The following ERG variants were observed in gnomAD, a reference collection of about 807,000 sequenced individuals.
ERG encodes ETS transcription factor ERG, also known as transcriptional regulator ERG.
Under a neutral mutation model 55.3 loss-of-function variants are expected in ERG, and 9 were observed. That is an observed-to-expected ratio of 0.16 (90% CI 0.10 to 0.28). ERG has a LOEUF of 0.28. Ranked by LOEUF, ERG falls within the 10% of genes least tolerant of loss-of-function variation. ERG has a pLI of 1.00. For synonymous variants in ERG, 223 were observed against 237.3 expected, an observed-to-expected ratio of 0.94 and a Z score of 0.55; for missense variants, 434 against 631.6, an observed-to-expected ratio of 0.69 and a Z score of 3.35.
intron 1 of ERG, among the ~76,000 whole-genome samples, chr21:38,477,002 C>CT (rs2059194332): frequency 7.8e-6 from 1 of 128,324 alleles, no homozygotes; most frequent in Admixed American, 8.7e-5. Context: ...TCTTTTCTTT[C>CT]TTTCCTTTTT....
At chr21:38,622,270 T>C (rs1331104258) in intron 1 of ERG, among the ~76,000 whole-genome samples, 1 of 152,098 alleles carries the variant, frequency 6.6e-6, no homozygotes, top group African/African-American at 2.4e-5. Context: ...GCCAAGTCAG[T>C]GGAGAGGACT....
intron 2 of ERG, among the ~76,000 whole-genome samples, chr21:38,436,203 G>A (rs2058788622): frequency 6.6e-6 from 1 of 151,500 alleles, no homozygotes; most frequent in Admixed American, 6.6e-5. Context: ...TAGAGATGGG[G>A]TTTCACCATG....
At chr21:38,424,189 T>G (rs770862454) in intron 2 of ERG, among the ~76,000 whole-genome samples, 5 of 83,448 alleles carry the variant, frequency 6.0e-5, no homozygotes, top group Non-Finnish European at 1.5e-4. Context: ...GAGCTCGAGC[T>G]CTCTCTCTCT....
chr21:38,599,535 A>T (rs553455678), intron 1 of ERG, among the ~76,000 whole-genome samples: 20 of 152,194 alleles, frequency 1.3e-4, no homozygotes, highest in African/African-American at 4.3e-4. Flanking sequence ...TCCTGCTCCA[A>T]CCCTGGAGAA....
At chr21:38,560,274 G>A (rs2059884819) in intron 2 of ERG, among the ~76,000 whole-genome samples, 1 of 152,178 alleles carries the variant, frequency 6.6e-6, no homozygotes, top group Non-Finnish European at 1.5e-5. Flanking sequence ...TGCTTCTACA[G>A]ATGCTATGGC....
chr21:38,494,038 C>T (rs555888260), intron 1 of ERG, among the ~76,000 whole-genome samples: 42 of 152,312 alleles, frequency 2.8e-4, no homozygotes, highest in African/African-American at 9.6e-4. Context: ...GACAGGGTAG[C>T]CATTATGATC....
intron 2 of ERG, among the ~76,000 whole-genome samples, chr21:38,552,030 G>C (rs1270770971): frequency 1.3e-5 from 2 of 152,096 alleles, no homozygotes; most frequent in African/African-American, 4.8e-5. Context: ...CTCCAGCATT[G>C]GGTGCATACA....
chr21:38,635,026 T>C (rs1359025792), intron 1 of ERG, among the ~76,000 whole-genome samples: 4 of 152,076 alleles, frequency 2.6e-5, no homozygotes, highest in Non-Finnish European at 5.9e-5. Flanking sequence ...TGAGTGCATA[T>C]TGCTAAGGGA....
chr21:38,454,719 C>A (rs1015344707), intron 1 of ERG, among the ~76,000 whole-genome samples: 1 of 152,148 alleles, frequency 6.6e-6, no homozygotes, highest in Admixed American at 6.5e-5. Context: ...TCAGAATTAT[C>A]CATTCTAGTC....
At chr21:38,484,625 C>A (rs1355035840) in intron 1 of ERG, among the ~76,000 whole-genome samples, 1 of 152,220 alleles carries the variant, frequency 6.6e-6, no homozygotes, top group African/African-American at 2.4e-5. Context: ...AGTTGTAACT[C>A]TCTTATGTTT....
chr21:38,412,819 T>A (rs970342651), intron 3 of ERG, among the ~76,000 whole-genome samples: 1 of 152,194 alleles, frequency 6.6e-6, no homozygotes, highest in Non-Finnish European at 1.5e-5. Flanking sequence ...CTTCAGCTAT[T>A]TTTTTGTAAT....
intron 2 of ERG, among the ~76,000 whole-genome samples, chr21:38,556,194 G>T (rs1246441643): frequency 6.6e-6 from 1 of 151,918 alleles, no homozygotes; most frequent in African/African-American, 2.4e-5. Context: ...TCAAAAAATT[G>T]AAAAAATAGC....
intron 3 of ERG, among the ~76,000 whole-genome samples, chr21:38,421,119 A>G (rs1989522069): frequency 6.6e-6 from 1 of 152,082 alleles, no homozygotes; most frequent in Admixed American, 6.5e-5. Context: ...TTGTGTTTCT[A>G]TTTTTCCCAT....
intron 2 of ERG, 31 bp from the exon 3 acceptor site, chr21:38,423,592 ACAG>A: frequency 6.3e-7 from 1 of 1,587,190 alleles, no homozygotes; most frequent in South Asian, 1.1e-5. Flanking sequence ...TTCCATTATA[ACAG>A]CAATCAAAGA....
chr21:38,403,430 T>A, intron 4 of ERG, 76 bp downstream of exon 4: 1 of 1,442,176 alleles, frequency 6.9e-7, no homozygotes, highest in Non-Finnish European at 9.7e-7. Flanking sequence ...TCGACACACC[T>A]GGTTGAACCC....
intron 1 of ERG, among the ~76,000 whole-genome samples, chr21:38,646,207 G>A (rs1053241734): frequency 1.3e-5 from 2 of 150,136 alleles, no homozygotes; most frequent in Non-Finnish European, 2.9e-5. Context: ...CTTGAACCCG[G>A]AAGATGGAGG....
chr21:38,535,424 T>C (rs1048608650), intron 2 of ERG, among the ~76,000 whole-genome samples: 1 of 152,178 alleles, frequency 6.6e-6, no homozygotes, highest in Non-Finnish European at 1.5e-5. Flanking sequence ...TTTTATGTGT[T>C]TGCCACAACC....
chr21:38,527,067 C>G (rs1002196082), intron 2 of ERG, among the ~76,000 whole-genome samples: 1 of 152,136 alleles, frequency 6.6e-6, no homozygotes, highest in South Asian at 2.1e-4. Context: ...TAATTTTCCA[C>G]GACGCATACT....
At chr21:38,610,142 A>T (rs2060217637) in intron 1 of ERG, among the ~76,000 whole-genome samples, 2 of 152,236 alleles carry the variant, frequency 1.3e-5, no homozygotes, top group Admixed American at 6.5e-5. Context: ...CGCTGCGATC[A>T]CTATTCAAAC....
Sources: gnomAD v4.1 joint callset for allele counts (sites outside exome capture counted in the v4.1 genomes callset) on GRCh38, gnomAD v4.1.1 for gene constraint, MANE v1.5 for transcripts, NCBI Gene and HGNC (gene_info 2026-07-23, HGNC 2026-07-21) for gene names.